Variants in HACL1 observed in about 807,000 individuals in gnomAD.
HACL1 encodes the protein 2-hydroxyacyl-CoA lyase 1.
Under a neutral mutation model 74.2 loss-of-function variants are expected in HACL1, and 64 were observed. That is an observed-to-expected ratio of 0.86 (90% CI 0.70 to 1.06). The LOEUF (loss-of-function observed/expected upper bound fraction) is 1.06. Ranked by LOEUF, HACL1 falls within the 50% of genes least tolerant of loss-of-function variation. The pLI is 0.00. For missense variants in HACL1, 728 were observed against 719.7 expected, an observed-to-expected ratio of 1.01 and a Z score of -0.13; for synonymous variants, 230 against 238.8, an observed-to-expected ratio of 0.96 and a Z score of 0.34.
rs200913990 is a variant in HACL1 at position 15,577,798 on chromosome 3, C to CA, written c.803+2111dup. Reference sequence around the variant, plus strand: ...AGGCAACAGAGCAAGACCCTGTCTCCAAAAAAAACCCAAAAACCGGCTGGG... The same window carrying CA: ...AGGCAACAGAGCAAGACCCTGTCTCCAAAAAAAAACCCAAAAACCGGCTGGG... On this transcript the variant is annotated intron_variant, in intron 9 of 16. Transcript: ENST00000321169. Among the ~76,000 whole-genome samples the CA allele has an allele frequency of 6.6e-3, 983 of 147,866 alleles. 6 individuals carry two copies. Among genetic ancestry groups the CA allele is most frequent in the Non-Finnish European group, 0.011 (743 of 66,682 alleles).
intron 16 of HACL1, among the ~76,000 whole-genome samples, chr3:15,563,057 T>C (rs2063371030): frequency 6.6e-6 from 1 of 152,128 alleles, no homozygotes; most frequent in Non-Finnish European, 1.5e-5. Flanking sequence ...TTCCAAGTAA[T>C]TGCTTCACTC....
chr3:15,597,281 T>C (rs1454491376), intron 2 of HACL1, among the ~76,000 whole-genome samples: 1 of 152,228 alleles, frequency 6.6e-6, no homozygotes, highest in Non-Finnish European at 1.5e-5. Flanking sequence ...CTTATTGAGT[T>C]CCACTTTACT....
intron 2 of HACL1, among the ~76,000 whole-genome samples, chr3:15,597,864 C>A (rs1231664125): frequency 6.6e-6 from 1 of 152,104 alleles, no homozygotes; most frequent in Non-Finnish European, 1.5e-5. Flanking sequence ...TTTATTTAGA[C>A]ACCCAAAAGA....
intron 7 of HACL1, among the ~76,000 whole-genome samples, chr3:15,584,389 A>G (rs757586361): frequency 1.3e-5 from 2 of 152,138 alleles, no homozygotes; most frequent in Non-Finnish European, 2.9e-5. Flanking sequence ...GGAGTTCGAG[A>G]CCAGCCTGGC....
Position 15,601,566 on chromosome 3 carries a change from C to T in HACL1, c.-103G>A. ...CAGCACGCCACCTCTGGTACTGCAC[C>T]TCTGACGGACAGGAGGGCAACCAAC... On this transcript the variant is annotated 5_prime_UTR_variant, in exon 1 of 17. Transcript: ENST00000321169. 6.2e-7 allele frequency: 1 copy of T among 1,600,112 alleles called. No individual in the cohort carries two copies. Among genetic ancestry groups the T allele is most frequent in the Non-Finnish European group, 8.5e-7 (1 of 1,177,314 alleles).
intron 9 of HACL1, among the ~76,000 whole-genome samples, chr3:15,578,052 C>A (rs987203444): frequency 7.0e-5 from 10 of 143,266 alleles, no homozygotes; most frequent in Admixed American, 3.6e-4. Flanking sequence ...GAACCAAGAT[C>A]GCGCCACTGC....
intron 14 of HACL1, among the ~76,000 whole-genome samples, chr3:15,566,675 G>T (rs2063438975): frequency 6.6e-6 from 1 of 151,512 alleles, no homozygotes; most frequent in Non-Finnish European, 1.5e-5. Flanking sequence ...AAACTGCTTG[G>T]ATTACCTCAT....
chr3:15,579,942 G>A lies in HACL1; in HGVS notation c.771C>T (p.Asn257=), dbSNP rs760593061. Residue 257 remains asparagine (N), a synonymous_variant, in exon 9 of 17, where the codon AAC becomes AAT. Coordinates refer to ENST00000321169, the MANE Select transcript of HACL1 (RefSeq NM_012260.4). ...TPMGKGVVPD[N]HPYCVGAARS... Reference sequence around the variant, plus strand: ...TGGCTGCACCTACACAGTATGGATGGTTGTCAGGGACAACACCCTTCCCCA... The same window carrying A: ...TGGCTGCACCTACACAGTATGGATGATTGTCAGGGACAACACCCTTCCCCA... The A allele has an allele frequency of 1.2e-6, 2 of 1,611,796 alleles. No homozygotes were observed. Among genetic ancestry groups the A allele is most frequent in the Non-Finnish European group, 1.7e-6 (2 of 1,178,096 alleles).
At chr3:15,591,860 C>T (rs562943076) in intron 3 of HACL1, among the ~76,000 whole-genome samples, 180 bp from the exon 4 acceptor site, 19 of 149,464 alleles carry the variant, frequency 1.3e-4, no homozygotes, top group Non-Finnish European at 2.2e-4. Flanking sequence ...ATATATATCG[C>T]GATATATATA....
At chr3:15,592,502 T>A (rs12485648) in intron 3 of HACL1, among the ~76,000 whole-genome samples, 21 of 137,058 alleles carry the variant, frequency 1.5e-4, no homozygotes, top group South Asian at 1.3e-3. Context: ...ACATATACAC[T>A]TGTATATACA....
rs62652959 is a variant in HACL1, at chr3:15,592,525, T to C, written c.228-845A>G. On this transcript the variant is annotated intron_variant, in intron 3 of 16. Transcript: ENST00000321169. The stretch of plus-strand genomic sequence containing the variant: ...ACTTGTATATACACTTGTATACATA[T>C]ACACATGTATACACATGTACGCACA... Among the ~76,000 whole-genome samples the C allele has an allele frequency of 5.3e-4, 77 of 144,210 alleles. 7 individuals are homozygous for C. In the South Asian group the frequency reaches 0.012, roughly 22 times the overall value. The allele number at this position is 144,210 out of a possible 152,430, so 94.6% of individuals were successfully genotyped here.
At chr3:15,587,001 T>C (rs879534514) in intron 5 of HACL1, among the ~76,000 whole-genome samples, 11 of 152,230 alleles carry the variant, frequency 7.2e-5, no homozygotes, top group Non-Finnish European at 1.5e-4. Context: ...ATCTGTTAGA[T>C]TTTGTTATAA....
intron 5 of HACL1, among the ~76,000 whole-genome samples, chr3:15,586,829 A>G (rs945514175): frequency 1.3e-4 from 20 of 152,172 alleles, no homozygotes; most frequent in Non-Finnish European, 2.8e-4. Flanking sequence ...GCAAAGATGC[A>G]AAAGTCTGAT....
chr3:15,563,957 A>C lies in HACL1; in HGVS notation c.1518-413T>G, dbSNP rs116446189. 9.2e-3 allele frequency among the ~76,000 whole-genome samples: 1,395 copies of C among 152,338 alleles called. 16 individuals carry two copies. The highest frequency in any genetic ancestry group is 0.032 in the African/African-American group (1,332 of 41,562). Reference sequence around the variant, plus strand: ...CAGGCTACATTATCAACTATTATGAATCCAGAAGAAAAACATGAAAAAAAA... The same window carrying C: ...CAGGCTACATTATCAACTATTATGACTCCAGAAGAAAAACATGAAAAAAAA... On this transcript the variant is annotated intron_variant, in intron 15 of 16. Transcript: ENST00000321169.
At chr3:15,594,769 G>A (rs1002150099) in intron 3 of HACL1, among the ~76,000 whole-genome samples, 1 of 152,098 alleles carries the variant, frequency 6.6e-6, no homozygotes, top group Non-Finnish European at 1.5e-5. Flanking sequence ...CAAGTCATAC[G>A]GCTCGTGGCT....
intron 2 of HACL1, 108 bp downstream of exon 2, chr3:15,600,982 T>C: frequency 1.4e-6 from 1 of 713,488 alleles, no homozygotes; most frequent in Non-Finnish European, 2.6e-6. Context: ...ATGATATATG[T>C]AAAGTAGCAG....
chr3:15,592,380 G>A (rs372785653), intron 3 of HACL1, among the ~76,000 whole-genome samples: 1 of 148,628 alleles, frequency 6.7e-6, no homozygotes, highest in Admixed American at 6.7e-5. Flanking sequence ...ACAGACACAC[G>A]TATACACACA....
intron 12 of HACL1, among the ~76,000 whole-genome samples, chr3:15,569,185 A>T (rs1321399140): frequency 6.6e-6 from 1 of 152,168 alleles, no homozygotes; most frequent in Non-Finnish European, 1.5e-5. Context: ...AAAAAGCCAT[A>T]GAGAGCTTTA....
chr3:15,569,692 A>T (rs2063491593), intron 12 of HACL1, among the ~76,000 whole-genome samples: 2 of 152,080 alleles, frequency 1.3e-5, no homozygotes, highest in African/African-American at 4.8e-5. Flanking sequence ...ATGGTGGCAC[A>T]TGCCTGTAAT....
Sources: allele counts gnomAD v4.1 joint callset (sites outside exome capture counted in the v4.1 genomes callset), GRCh38; gene constraint gnomAD v4.1.1; transcripts MANE v1.5; gene names NCBI Gene and HGNC (gene_info 2026-07-23, HGNC 2026-07-21).